Variants in NTRK3 observed in about 807,000 individuals in gnomAD.
The protein encoded by NTRK3 is NT-3 growth factor receptor.
Under a neutral mutation model 91.7 loss-of-function variants are expected in NTRK3, and 24 were observed. That is an observed-to-expected ratio of 0.26 (90% CI 0.19 to 0.37). The LOEUF (loss-of-function observed/expected upper bound fraction) is 0.37, where lower values mean the gene tolerates loss of function less well. Ranked by LOEUF, NTRK3 falls within the 10% of genes least tolerant of loss-of-function variation. The pLI is 1.00. For synonymous variants in NTRK3, 483 were observed against 404.0 expected (o/e 1.20, Z -2.34); for missense variants, 880 against 1,068.9 (o/e 0.82, Z 2.46).
intron 13 of NTRK3, among the ~76,000 whole-genome samples, chr15:88,078,564 C>T (rs1345054551): frequency 1.3e-5 from 2 of 152,200 alleles, no homozygotes; most frequent in Non-Finnish European, 2.9e-5. Context: ...GCAGGAGAAT[C>T]ACTTGAACCC....
chr15:88,115,488 G>T (rs1256866929), intron 13 of NTRK3, among the ~76,000 whole-genome samples: 1 of 152,200 alleles, frequency 6.6e-6, no homozygotes, highest in Non-Finnish European at 1.5e-5. Context: ...GGAACCACCC[G>T]GACGCCCTCC....
At chr15:88,015,474 A>G (rs1284024134) in intron 14 of NTRK3, among the ~76,000 whole-genome samples, 2 of 151,922 alleles carry the variant, frequency 1.3e-5, no homozygotes, top group East Asian at 3.9e-4. Flanking sequence ...CTGCCAGTCC[A>G]AGTTTCCCCG....
At chr15:87,998,364 G>C (rs2075855108) in intron 14 of NTRK3, among the ~76,000 whole-genome samples, 1 of 152,236 alleles carries the variant, frequency 6.6e-6, no homozygotes, top group Non-Finnish European at 1.5e-5. Context: ...AACAAGAGCT[G>C]AGAATGTCAT....
chr15:88,023,771 G>A (rs2077788381), intron 14 of NTRK3, among the ~76,000 whole-genome samples: 1 of 152,152 alleles, frequency 6.6e-6, no homozygotes, highest in African/African-American at 2.4e-5. Flanking sequence ...GCCCAGCCCT[G>A]TAACCAGATC....
chr15:88,253,785 T>C (rs569241439), intron 3 of NTRK3, among the ~76,000 whole-genome samples: 2 of 152,134 alleles, frequency 1.3e-5, no homozygotes, highest in East Asian at 1.9e-4. Flanking sequence ...CCAGATCCAC[T>C]CCCTGCTCAC....
At chr15:88,211,465 C>T (rs2049240544) in intron 3 of NTRK3, among the ~76,000 whole-genome samples, 1 of 152,346 alleles carries the variant, frequency 6.6e-6, no homozygotes, top group East Asian at 1.9e-4. Context: ...AGTGCCACTA[C>T]AGCCATTCAT....
At chr15:88,245,721 C>T (rs28697954) in intron 3 of NTRK3, among the ~76,000 whole-genome samples, 3,861 of 152,212 alleles carry the variant, frequency 0.025, 163 homozygotes, top group African/African-American at 0.089. Flanking sequence ...CACACGTGCT[C>T]ATTGAAATCT....
intron 17 of NTRK3, among the ~76,000 whole-genome samples, chr15:87,909,633 C>T (rs1217533509): frequency 6.6e-6 from 1 of 152,014 alleles, no homozygotes; most frequent in Non-Finnish European, 1.5e-5. Context: ...GAACTGTGTG[C>T]CCCCCAACAC....
intron 3 of NTRK3, among the ~76,000 whole-genome samples, chr15:88,216,656 C>A (rs2049798484): frequency 6.6e-6 from 1 of 152,196 alleles, no homozygotes; most frequent in South Asian, 2.1e-4. Context: ...CTAGAACAGG[C>A]CTCCATGAGG....
intron 8 of NTRK3, 33 bp from the exon 9 acceptor site, chr15:88,136,073 T>C (rs2041850383): frequency 6.2e-7 from 1 of 1,613,690 alleles, no homozygotes; most frequent in Admixed American, 1.7e-5. Flanking sequence ...AACAATCAGA[T>C]AGCTTCTACA....
In NTRK3 at chr15:87,860,225, G is replaced by A. The variant is rs1596023216; in HGVS notation, c.*16710C>T. The A allele has an allele frequency of 1.8e-5, 4 of 221,272 alleles. No homozygotes were observed. The East Asian group carries it at 2.6e-4, about 14-fold the overall frequency. The allele number at this position is 221,272 out of a possible 1,614,324, so 13.7% of individuals were successfully genotyped here. On this transcript the variant is annotated 3_prime_UTR_variant, in exon 19 of 19. Coordinates refer to ENST00000394480, the Ensembl canonical transcript of NTRK3. The stretch of plus-strand genomic sequence containing the variant: ...GCATGAGGGTGAAGAATGGGGTGAT[G>A]GGTATGGGGCCGAGACTGAAGGACA...
chr15:88,095,412 G>A (rs377477645), intron 13 of NTRK3, among the ~76,000 whole-genome samples: 9 of 152,290 alleles, frequency 5.9e-5, no homozygotes, highest in East Asian at 3.9e-4. Context: ...GCTGATCAGC[G>A]ATGAGTGGTC....
chr15:88,136,416 A>G lies in NTRK3; in HGVS notation c.765+51T>C, dbSNP rs746629389. On this transcript the variant is annotated intron_variant, in intron 8 of 18. Coordinates refer to ENST00000394480, the Ensembl canonical transcript of NTRK3. ...AATTTTCCCTCTTCTTCAAGACTAC[A>G]GTGTGATCACTCCCTAGCCTCCTGA... The G allele has an allele frequency of 3.1e-6, 5 of 1,613,000 alleles. No individual in the cohort carries two copies. The Admixed American group carries it at 6.7e-5, about 22-fold the overall frequency.
rs1008549893 is a variant in NTRK3, at chr15:88,240,207, C to T, written c.248+15699G>A. Among the ~76,000 whole-genome samples the T allele has an allele frequency of 1.4e-4, 22 of 151,844 alleles. No individual in the cohort carries two copies. Among genetic ancestry groups the T allele is most frequent in the African/African-American group, 4.1e-4 (17 of 41,298 alleles). On this transcript the variant is annotated intron_variant, in intron 3 of 18. Transcript: ENST00000394480. The surrounding 1 kb of genome is among the most constrained non-coding windows in gnomAD (Gnocchi z 4.9). Reference sequence around the variant, plus strand: ...ACTTTCCCATCCCGTCCCCAGCCACCGCCATAGAAACATCACAAGTCAGAG... The same window carrying T: ...ACTTTCCCATCCCGTCCCCAGCCACTGCCATAGAAACATCACAAGTCAGAG...
chr15:88,069,787 G>A (rs1157364181), intron 13 of NTRK3, among the ~76,000 whole-genome samples: 1 of 152,140 alleles, frequency 6.6e-6, no homozygotes, highest in Non-Finnish European at 1.5e-5. Flanking sequence ...TGTTTACATG[G>A]TACACGTCCA....
chr15:88,072,254 T>G (rs2150551187), intron 13 of NTRK3, among the ~76,000 whole-genome samples: 1 of 152,190 alleles, frequency 6.6e-6, no homozygotes, highest in South Asian at 2.1e-4. Context: ...TCCGACTGCC[T>G]CAGCCTCCCA....
chr15:88,244,469 A>G (rs992143878), intron 3 of NTRK3, among the ~76,000 whole-genome samples: 1 of 152,216 alleles, frequency 6.6e-6, no homozygotes, highest in African/African-American at 2.4e-5. Flanking sequence ...CCTTTTTACT[A>G]CACAATTTAG....
At chr15:88,038,605 G>C (rs369131242) in intron 13 of NTRK3, among the ~76,000 whole-genome samples, 1 of 152,156 alleles carries the variant, frequency 6.6e-6, no homozygotes, top group Non-Finnish European at 1.5e-5. Context: ...GGAGGATGCT[G>C]ATCATGAGGG....
intron 17 of NTRK3, 64 bp downstream of exon 17, chr15:87,929,127 A>G: frequency 6.2e-7 from 1 of 1,613,404 alleles, no homozygotes; most frequent in South Asian, 1.1e-5. Flanking sequence ...TGGACAATGA[A>G]AAAGACATGT....
Sources: allele counts gnomAD v4.1 joint callset (sites outside exome capture counted in the v4.1 genomes callset), GRCh38; gene constraint gnomAD v4.1.1; non-coding constraint Gnocchi (gnomAD v3.1); transcripts MANE v1.5; gene names NCBI Gene and HGNC (gene_info 2026-07-23, HGNC 2026-07-21).